Variants in C1orf21 observed in about 807,000 individuals in gnomAD.
The protein encoded by C1orf21 is chromosome 1 open reading frame 21.
A neutral mutation model predicts 18.7 loss-of-function variants in C1orf21; 3 were observed. The observed-to-expected ratio is 0.16, with a 90% CI of 0.07 to 0.42. The LOEUF is 0.42. C1orf21 is among the 10% of genes least tolerant of loss of function. The pLI, the probability that C1orf21 is intolerant of heterozygous loss-of-function variation, is 0.99. For synonymous variants in C1orf21, 41 were observed against 46.4 expected, an observed-to-expected ratio of 0.88 and a Z score of 0.47; for missense variants, 104 against 143.6, an observed-to-expected ratio of 0.72 and a Z score of 1.41.
At chr1:184,393,218 G>A (rs995395814) in intron 1 of C1orf21, among the ~76,000 whole-genome samples, 4 of 151,980 alleles carry the variant, frequency 2.6e-5, no homozygotes, top group East Asian at 1.9e-4. Context: ...TATTTTAACC[G>A]TATCTCCAGA....
intron 1 of C1orf21, among the ~76,000 whole-genome samples, chr1:184,414,738 A>G (rs1327235490): frequency 1.3e-5 from 2 of 152,150 alleles, no homozygotes; most frequent in Non-Finnish European, 2.9e-5. Context: ...TCCTAGATTG[A>G]CTTGTTTTTT....
intron 1 of C1orf21, among the ~76,000 whole-genome samples, chr1:184,413,215 G>A (rs1357570368): frequency 6.6e-6 from 1 of 152,168 alleles, no homozygotes; most frequent in Non-Finnish European, 1.5e-5. Context: ...GAGTGACTGG[G>A]ACTTCATGGA....
At chr1:184,410,661 A>ATTTTTTT (rs1324215272) in intron 1 of C1orf21, among the ~76,000 whole-genome samples, 6 of 6,148 alleles carry the variant, frequency 9.8e-4, no homozygotes, top group Non-Finnish European at 1.4e-3. Flanking sequence ...ATATATATAT[A>ATTTTTTT]TATTTTTTTT....
At chr1:184,492,659 G>A (rs1657833155) in intron 2 of C1orf21, among the ~76,000 whole-genome samples, 1 of 152,186 alleles carries the variant, frequency 6.6e-6, no homozygotes, top group Non-Finnish European at 1.5e-5. Context: ...AGTGTGTGGA[G>A]TTGTATCTCT....
At chr1:184,391,849 AG>A (rs1305366190) in intron 1 of C1orf21, among the ~76,000 whole-genome samples, 49 of 152,156 alleles carry the variant, frequency 3.2e-4, no homozygotes, top group African/African-American at 1.2e-3. Flanking sequence ...CTGGGATTAC[AG>A]GCAGGTGCCA....
intron 2 of C1orf21, among the ~76,000 whole-genome samples, chr1:184,499,953 A>G (rs1192753017): frequency 6.6e-6 from 1 of 152,214 alleles, no homozygotes; most frequent in Non-Finnish European, 1.5e-5. Context: ...TGCGACTTCA[A>G]GAGTCCCAGC....
chr1:184,396,014 G>T (rs1451379445), intron 1 of C1orf21, among the ~76,000 whole-genome samples: 1 of 152,094 alleles, frequency 6.6e-6, no homozygotes, highest in Non-Finnish European at 1.5e-5. Context: ...GGGGTTTGGG[G>T]GCAGATGGAA....
intron 1 of C1orf21, among the ~76,000 whole-genome samples, chr1:184,476,692 C>T (rs1657576226): frequency 6.6e-6 from 1 of 152,174 alleles, no homozygotes; most frequent in Non-Finnish European, 1.5e-5. Flanking sequence ...TGCTTTGTTG[C>T]TTTTCTTCAT....
intron 1 of C1orf21, among the ~76,000 whole-genome samples, chr1:184,449,133 T>C (rs1002187243): frequency 3.3e-5 from 5 of 152,128 alleles, no homozygotes; most frequent in Non-Finnish European, 4.4e-5. Context: ...ATGTGCCATG[T>C]TGGTGTGCTG....
intron 1 of C1orf21, among the ~76,000 whole-genome samples, chr1:184,415,262 T>C (rs1656430584): frequency 6.6e-6 from 1 of 152,222 alleles, no homozygotes; most frequent in Non-Finnish European, 1.5e-5. Context: ...GCTTTACTAC[T>C]AATTAGGAAT....
At chr1:184,476,869 A>G (rs529587640) in intron 1 of C1orf21, among the ~76,000 whole-genome samples, 214 of 152,316 alleles carry the variant, frequency 1.4e-3, no homozygotes, top group Middle Eastern at 6.8e-3. Context: ...AGAAATGTAT[A>G]AAGTAGCCCA....
At chr1:184,469,908 G>T (rs761075448) in intron 1 of C1orf21, among the ~76,000 whole-genome samples, 1 of 152,152 alleles carries the variant, frequency 6.6e-6, no homozygotes, top group Non-Finnish European at 1.5e-5. Context: ...GCTGGATGCT[G>T]GTCCTCCAAG....
chr1:184,410,663 A>ATATATATTTT (rs67546366), intron 1 of C1orf21, among the ~76,000 whole-genome samples: 1 of 7,674 alleles, frequency 1.3e-4, no homozygotes, highest in Non-Finnish European at 1.9e-4. Context: ...ATATATATAT[A>ATATATATTTT]TTTTTTTTTT....
chr1:184,619,117 G>C (rs2102013520), intron 5 of C1orf21, among the ~76,000 whole-genome samples: 1 of 152,334 alleles, frequency 6.6e-6, no homozygotes, highest in East Asian at 1.9e-4. Context: ...ATTGTATGCT[G>C]TCTGTAGAAT....
chr1:184,557,105 G>GCACT (rs1658889418), intron 3 of C1orf21, among the ~76,000 whole-genome samples: 1 of 152,116 alleles, frequency 6.6e-6, no homozygotes, highest in Non-Finnish European at 1.5e-5. Context: ...TCCCACCTTT[G>GCACT]CACTATCAGA....
At chr1:184,535,834 C>G (rs1489777566) in intron 3 of C1orf21, among the ~76,000 whole-genome samples, 1 of 152,152 alleles carries the variant, frequency 6.6e-6, no homozygotes, top group Non-Finnish European at 1.5e-5. Flanking sequence ...AAATGTACTT[C>G]TAGACTATCT....
At chr1:184,474,753 G>A (rs1032655662) in intron 1 of C1orf21, among the ~76,000 whole-genome samples, 1 of 152,130 alleles carries the variant, frequency 6.6e-6, no homozygotes, top group Admixed American at 6.5e-5. Flanking sequence ...TTCTGAAGAG[G>A]TGGCAGGGAA....
intron 3 of C1orf21, among the ~76,000 whole-genome samples, chr1:184,569,825 AC>A (rs1659084369): frequency 2.0e-5 from 3 of 152,240 alleles, no homozygotes; most frequent in Admixed American, 2.0e-4. Context: ...TAAAGGACTT[AC>A]TGTTGTCAGT....
At chr1:184,567,384 G>C (rs1168663795) in intron 3 of C1orf21, 1 of 497,648 alleles carries the variant, frequency 2.0e-6, no homozygotes, top group Non-Finnish European at 4.0e-6. Context: ...CTCTTGTTTG[G>C]GGAACCTCAT....
Sources: gnomAD v4.1 joint callset for allele counts (sites outside exome capture counted in the v4.1 genomes callset) on GRCh38, gnomAD v4.1.1 for gene constraint, MANE v1.5 for transcripts, NCBI Gene and HGNC (gene_info 2026-07-23, HGNC 2026-07-21) for gene names.